Variants in RALYL observed in about 807,000 individuals in gnomAD.
The protein encoded by RALYL is RALY RNA binding protein like, also known as RNA-binding Raly-like protein.
RALYL carries 29 observed loss-of-function variants against 35.1 expected under a neutral mutation model. The ratio of observed to expected loss-of-function variants is 0.83; its 90% CI spans 0.61 to 1.13. The LOEUF (loss-of-function observed/expected upper bound fraction) is 1.13, where lower values mean the gene tolerates loss of function less well. Ranked by LOEUF, RALYL falls within the 50% of genes most tolerant of loss-of-function variation. The probability of loss-of-function intolerance (pLI) is 0.00; values close to 1 mark genes in which losing one functional copy is unlikely to be tolerated. For missense variants in RALYL, 359 were observed against 360.4 expected, an observed-to-expected ratio of 1.00 and a Z score of 0.03; for synonymous variants, 120 against 127.6, an observed-to-expected ratio of 0.94 and a Z score of 0.40.
At chr8:84,303,929 A>G (rs1409116959) in intron 1 of RALYL, among the ~76,000 whole-genome samples, 1 of 152,146 alleles carries the variant, frequency 6.6e-6, no homozygotes, top group Non-Finnish European at 1.5e-5. Context: ...GATAAAATAT[A>G]AAACTAATGG....
chr8:84,414,793 TA>T (rs1160057336), intron 1 of RALYL, among the ~76,000 whole-genome samples: 2 of 151,894 alleles, frequency 1.3e-5, no homozygotes, highest in Non-Finnish European at 2.9e-5. Flanking sequence ...AATATTGTTC[TA>T]AAAGAGACCT....
chr8:84,515,288 T>A (rs1287650110), intron 1 of RALYL, among the ~76,000 whole-genome samples: 2 of 152,198 alleles, frequency 1.3e-5, no homozygotes, highest in Non-Finnish European at 2.9e-5. Context: ...ACTCCCTGTC[T>A]AATTTTTTAA....
intron 1 of RALYL, among the ~76,000 whole-genome samples, chr8:84,408,806 C>G (rs149204401): frequency 2.6e-4 from 39 of 152,154 alleles, no homozygotes; most frequent in African/African-American, 7.9e-4. Context: ...GTAGAACATA[C>G]TAGCACTAAA....
rs533117741 is a variant in RALYL at position 84,597,290 on chromosome 8, T to C, written c.256+67713T>C. On this transcript the variant is annotated intron_variant, in intron 2 of 8. Transcript: ENST00000521268. ...TAAACCAGACTTTCTTCCCCAATTC[T>C]CTATGATATTTTATGGCACCACCAT... 1.1e-4 allele frequency among the ~76,000 whole-genome samples: 16 copies of C among 152,326 alleles called. No homozygotes were observed. The East Asian group carries it at 2.9e-3, about 28-fold the overall frequency.
chr8:84,419,566 A>T (rs112847900), intron 1 of RALYL, among the ~76,000 whole-genome samples: 5,159 of 150,922 alleles, frequency 0.034, 298 homozygotes, highest in African/African-American at 0.12. Flanking sequence ...ATTATTATAC[A>T]TTAAGTTTTA....
intron 1 of RALYL, among the ~76,000 whole-genome samples, chr8:84,316,337 A>G (rs900144035): frequency 2.0e-4 from 31 of 152,224 alleles, no homozygotes; most frequent in African/African-American, 6.7e-4. Context: ...TATATTCTAA[A>G]TCATTTATTA....
chr8:84,815,495 A>G (rs1389431050), intron 4 of RALYL, among the ~76,000 whole-genome samples: 1 of 149,376 alleles, frequency 6.7e-6, no homozygotes, highest in Non-Finnish European at 1.5e-5. Context: ...ATATATTTAT[A>G]AAATACATTT....
rs1469510366 is a variant in RALYL, at chr8:84,745,826, A to C, written c.257-28753A>C. On this transcript the variant is annotated intron_variant, in intron 2 of 8. Transcript: ENST00000521268. ...TCCTTTCCATATCCCTTGGGCCTAA[A>C]AGTATATGACTTTCATTCCTGTGTT... Among the ~76,000 whole-genome samples, 3 of 152,100 alleles carry C rather than the reference A, an allele frequency of 2.0e-5. No homozygotes were observed. In the East Asian group the frequency reaches 5.8e-4, roughly 29 times the overall value.
chr8:84,480,780 C>T (rs955724936), intron 1 of RALYL, among the ~76,000 whole-genome samples: 1 of 152,028 alleles, frequency 6.6e-6, no homozygotes, highest in African/African-American at 2.4e-5. Context: ...ACAGATTTCT[C>T]ATTCTGAGTA....
chr8:84,297,137 C>A (rs911534664), intron 1 of RALYL, among the ~76,000 whole-genome samples: 9 of 151,866 alleles, frequency 5.9e-5, no homozygotes, highest in Non-Finnish European at 1.5e-5. Context: ...GGTTTACAGA[C>A]TGATTATTTC....
intron 1 of RALYL, among the ~76,000 whole-genome samples, chr8:84,335,051 C>A (rs1312631725): frequency 6.6e-6 from 1 of 152,096 alleles, no homozygotes; most frequent in Admixed American, 6.6e-5. Context: ...TGTTTCTGAC[C>A]TCCTTAGGGT....
At chr8:84,569,744 A>G (rs1807461939) in intron 2 of RALYL, among the ~76,000 whole-genome samples, 1 of 151,876 alleles carries the variant, frequency 6.6e-6, no homozygotes, top group Non-Finnish European at 1.5e-5. Flanking sequence ...TCTTTAATCA[A>G]TCTTAAGTTG....
chr8:84,328,743 C>A (rs567120090), intron 1 of RALYL, among the ~76,000 whole-genome samples: 3 of 152,220 alleles, frequency 2.0e-5, no homozygotes, highest in Non-Finnish European at 2.9e-5. Flanking sequence ...AGTTAGTCAA[C>A]CTTTGTCCAC....
intron 1 of RALYL, among the ~76,000 whole-genome samples, chr8:84,248,641 C>A (rs796076221): frequency 7.9e-5 from 12 of 152,200 alleles, no homozygotes; most frequent in African/African-American, 2.9e-4. Context: ...AGAAAACATT[C>A]TTCCTCTCAC....
chr8:84,533,609 GC>G (rs2059409987), intron 2 of RALYL, among the ~76,000 whole-genome samples: 1 of 152,134 alleles, frequency 6.6e-6, no homozygotes, highest in Non-Finnish European at 1.5e-5. Context: ...TTTATCTAGA[GC>G]AATCATTTTT....
At chr8:84,269,235 T>C (rs917622976) in intron 1 of RALYL, among the ~76,000 whole-genome samples, 1 of 152,122 alleles carries the variant, frequency 6.6e-6, no homozygotes, top group African/African-American at 2.4e-5. Context: ...ATTATAGTGG[T>C]GAATATAGAT....
At chr8:84,286,995 G>A (rs543017090) in intron 1 of RALYL, among the ~76,000 whole-genome samples, 3 of 152,236 alleles carry the variant, frequency 2.0e-5, no homozygotes, top group Admixed American at 6.5e-5. Context: ...TTTGATAGAG[G>A]ACCAAACTTC....
chr8:84,886,878 A>C (rs1018674030), intron 7 of RALYL, among the ~76,000 whole-genome samples: 2 of 152,176 alleles, frequency 1.3e-5, no homozygotes, highest in African/African-American at 4.8e-5. Flanking sequence ...TTTAGGAAAT[A>C]GTTGTCCTTA....
chr8:84,523,015 G>T (rs1335436063), intron 1 of RALYL, among the ~76,000 whole-genome samples: 3 of 152,040 alleles, frequency 2.0e-5, no homozygotes, highest in Non-Finnish European at 4.4e-5. Flanking sequence ...ATCTTACATG[G>T]TGGCAGGCAA....
Sources: gnomAD v4.1 joint callset for allele counts (sites outside exome capture counted in the v4.1 genomes callset) on GRCh38, gnomAD v4.1.1 for gene constraint, MANE v1.5 for transcripts, NCBI Gene and HGNC (gene_info 2026-07-23, HGNC 2026-07-21) for gene names.